Variants in PATJ observed in about 807,000 individuals in gnomAD.
PATJ encodes inaD-like protein.
Under a neutral mutation model 224.9 loss-of-function variants are expected in PATJ, and 190 were observed. That is an observed-to-expected ratio of 0.84 (90% CI 0.75 to 0.95). The LOEUF is 0.95. PATJ is among the 40% of genes least tolerant of loss of function. PATJ has a pLI of 0.00. For synonymous variants in PATJ, 769 were observed against 820.3 expected, an observed-to-expected ratio of 0.94 and a Z score of 1.07; for missense variants, 2,121 against 2,270.3, an observed-to-expected ratio of 0.93 and a Z score of 1.34.
At chr1:61,906,266 A>G (rs1219906921) in intron 24 of PATJ, among the ~76,000 whole-genome samples, 1 of 152,112 alleles carries the variant, frequency 6.6e-6, no homozygotes, top group Admixed American at 6.5e-5. Flanking sequence ...ATGTTCAACA[A>G]CCCAGAAGCT....
chr1:62,107,356 C>T (rs1663223385), intron 33 of PATJ, among the ~76,000 whole-genome samples: 1 of 151,402 alleles, frequency 6.6e-6, no homozygotes, highest in African/African-American at 2.4e-5. Context: ...CCCTCTAAGA[C>T]ACCTATCATA....
chr1:62,040,190 C>T (rs1425628108), intron 30 of PATJ, among the ~76,000 whole-genome samples: 1 of 150,444 alleles, frequency 6.6e-6, no homozygotes, highest in Non-Finnish European at 1.5e-5. Flanking sequence ...CTCTCTGCAA[C>T]CTCAGCCTCT....
chr1:62,137,525 G>C (rs1348253591), intron 41 of PATJ, among the ~76,000 whole-genome samples: 1 of 107,778 alleles, frequency 9.3e-6, no homozygotes, highest in Non-Finnish European at 1.9e-5. Context: ...GGGCACAGCA[G>C]TCTGAGGGGG....
intron 27 of PATJ, among the ~76,000 whole-genome samples, chr1:61,951,651 TC>T (rs940471925): frequency 6.6e-6 from 1 of 152,026 alleles, no homozygotes; most frequent in Admixed American, 6.6e-5. Context: ...TTTATATTTT[TC>T]CCCCCTGAAA....
At chr1:61,859,629 G>C (rs555446548) in intron 18 of PATJ, among the ~76,000 whole-genome samples, 2 of 150,890 alleles carry the variant, frequency 1.3e-5, no homozygotes, top group South Asian at 4.2e-4. Flanking sequence ...TTTTGTTGTT[G>C]TTTTTTGAGA....
At chr1:61,910,753 C>T (rs1429816939) in intron 25 of PATJ, among the ~76,000 whole-genome samples, 1 of 151,574 alleles carries the variant, frequency 6.6e-6, no homozygotes, top group Admixed American at 6.6e-5. Flanking sequence ...TCCCCTTATT[C>T]CTCAGGCAAG....
In PATJ at chr1:61,769,346, G is replaced by A. The variant is rs778718520; in HGVS notation, c.448G>A (p.Val150Met). 4.4e-5 allele frequency: 71 copies of A among 1,613,938 alleles called. No homozygotes were observed. Among genetic ancestry groups the A allele is most frequent in the Middle Eastern group, 3.3e-4 (2 of 6,084 alleles). The stretch of plus-strand genomic sequence containing the variant: ...AACTGGAGGCCTTGGATTCAGTGTG[G>A]TGGCCCTCAGAAGTCAAAATCTCGG... The part of the protein sequence containing the change: ...PSTGGLGFSV[V>M]ALRSQNLGKV... The change falls in exon 5 of 44, where the codon GTG becomes ATG. Residue 150 changes from valine to methionine, a missense_variant. Coordinates refer to ENST00000642238, the MANE Select transcript of PATJ (RefSeq NM_001350145.3).
At chr1:62,128,213 G>A in intron 40 of PATJ, 119 bp downstream of exon 40, 1 of 1,076,262 alleles carries the variant, frequency 9.3e-7, no homozygotes. Context: ...CCCAGGCTGA[G>A]GGCAAGATGC....
At position 61,787,953 on chromosome 1, in the gene PATJ, C is replaced by A. The variant is rs1408517297; in HGVS notation, c.1049C>A (p.Ala350Asp). The change falls in exon 8 of 44, where the codon GCC (alanine) becomes GAC (aspartate). Residue 350 changes from alanine to aspartate, a missense_variant. Transcript: ENST00000642238. ...TTACCTGTTGCCCTGCCTACTGTAG[C>A]CAGCAAGGGCCCTGGTTCTGTGAGT... ...AALPVALPTV[A>D]SKGPGSDSSL... The A allele has an allele frequency of 6.2e-7, 1 of 1,613,088 alleles. No homozygotes were observed. The highest frequency in any genetic ancestry group is 2.2e-5 in the East Asian group (1 of 44,872).
rs1670850091 is a variant in PATJ, at chr1:61,899,672, T to C, written c.3203+18T>C. On this transcript the variant is annotated intron_variant, in intron 23 of 43. Transcript: ENST00000642238. ...CCGAGAATGTATGTGGATGACATTA[T>C]TGTGGCTTTCTCAATAGGAGCACAA... 2.5e-6 allele frequency: 4 copies of C among 1,577,544 alleles called. No individual in the cohort carries two copies. Among genetic ancestry groups the C allele is most frequent in the Admixed American group, 1.8e-5 (1 of 54,378 alleles).
intron 31 of PATJ, among the ~76,000 whole-genome samples, chr1:62,069,583 C>T (rs1212733749): frequency 2.6e-5 from 4 of 152,142 alleles, no homozygotes. Flanking sequence ...AGACCAGATG[C>T]TTTTCAGAAA....
chr1:62,055,586 G>A (rs570048503), intron 31 of PATJ, among the ~76,000 whole-genome samples: 48 of 152,318 alleles, frequency 3.2e-4, no homozygotes, highest in African/African-American at 1.1e-3. Context: ...ACCAGAGTGC[G>A]CTGTAGTCAC....
chr1:62,128,071 G>A lies in PATJ; in HGVS notation c.5143G>A (p.Ala1715Thr), dbSNP rs755333436. 3.7e-6 allele frequency: 6 copies of A among 1,614,170 alleles called. No individual in the cohort carries two copies. Among genetic ancestry groups the A allele is most frequent in the Non-Finnish European group, 5.1e-6 (6 of 1,179,998 alleles). Reference sequence around the variant, plus strand: ...TGCCATGATTCAGGCTAGCGGAGTGGCCGCACGGACACAGAAGCTTAAAGT... The same window carrying A: ...TGCCATGATTCAGGCTAGCGGAGTGACCGCACGGACACAGAAGCTTAAAGT... ...FIAMIQASGV[A>T]ARTQKLKVGD... The change falls in exon 40 of 44, where the codon GCC becomes ACC. Residue 1715 changes from alanine (A) to threonine (T), a missense_variant. Physicochemically the swap from Ala to Thr is moderately conservative, Grantham distance 58. Coordinates refer to ENST00000642238, the MANE Select transcript of PATJ (RefSeq NM_001350145.3).
intron 33 of PATJ, among the ~76,000 whole-genome samples, chr1:62,103,015 T>C (rs752638892): frequency 3.9e-5 from 6 of 152,072 alleles, no homozygotes; most frequent in Non-Finnish European, 5.9e-5. Context: ...CTCGCCTCAT[T>C]AAGTCAAAGG....
chr1:62,119,830 G>T (rs575529732), intron 37 of PATJ, among the ~76,000 whole-genome samples: 1 of 152,114 alleles, frequency 6.6e-6, no homozygotes, highest in East Asian at 1.9e-4. Flanking sequence ...TGTAACCCCA[G>T]CTACTCAGGA....
intron 9 of PATJ, 91 bp from the exon 10 acceptor site, chr1:61,795,376 C>T (rs1265091445): frequency 3.1e-6 from 2 of 643,310 alleles, no homozygotes; most frequent in Non-Finnish European, 5.5e-6. Flanking sequence ...TCCAGTCAAC[C>T]CCGTTAGCTA....
intron 41 of PATJ, among the ~76,000 whole-genome samples, chr1:62,130,857 A>C (rs2481666): frequency 2.0e-5 from 3 of 151,940 alleles, no homozygotes; most frequent in Non-Finnish European, 4.4e-5. Flanking sequence ...TCTCAAAAGA[A>C]AAAAAGAAAA....
At chr1:62,049,195 A>T (rs1263873969) in intron 30 of PATJ, among the ~76,000 whole-genome samples, 1 of 151,448 alleles carries the variant, frequency 6.6e-6, no homozygotes, top group Non-Finnish European at 1.5e-5. Flanking sequence ...AGAAATAATT[A>T]ATGCAAAAAT....
intron 41 of PATJ, 48 bp downstream of exon 41, chr1:62,128,993 AT>A: frequency 7.6e-7 from 1 of 1,318,642 alleles, no homozygotes; most frequent in African/African-American, 1.4e-5. Flanking sequence ...GATAAGTGGC[AT>A]GCAAAAAAGA....
Sources: gnomAD v4.1 joint callset for allele counts (sites outside exome capture counted in the v4.1 genomes callset) on GRCh38, gnomAD v4.1.1 for gene constraint, MANE v1.5 for transcripts, NCBI Gene and HGNC (gene_info 2026-07-23, HGNC 2026-07-21) for gene names.